CLASRP: variants seen among roughly 807,000 people sequenced by gnomAD.
CLASRP encodes the protein CLK4-associating serine/arginine rich protein.
In CLASRP, 52 loss-of-function variants were observed where a neutral mutation model predicts 99.9. That is an observed-to-expected ratio of 0.52 (90% CI 0.42 to 0.66). The LOEUF (loss-of-function observed/expected upper bound fraction) is 0.66. Among genes scored for constraint, CLASRP ranks in the 30% least tolerant of loss-of-function variants. The pLI is 0.00. For missense variants in CLASRP, 848 were observed against 999.2 expected (o/e 0.85, Z 2.04); for synonymous variants, 379 against 373.0 (o/e 1.02, Z -0.18).
chr19:45,068,489 T>C lies in CLASRP; in HGVS notation c.1768+9T>C. On this transcript the variant is annotated intron_variant, in intron 16 of 20. Transcript: ENST00000221455. Reference sequence around the variant, plus strand: ...GGCGCTGAACAGGCAGTGTATGTTCTGCCCTGTCCCTCCAGGGTTTCACAG... The same window carrying C: ...GGCGCTGAACAGGCAGTGTATGTTCCGCCCTGTCCCTCCAGGGTTTCACAG... 6.2e-7 allele frequency: 1 copy of C among 1,601,618 alleles called. No homozygotes were observed. The highest frequency in any genetic ancestry group is 8.6e-7 in the Non-Finnish European group (1 of 1,168,602).
At position 45,067,127 on chromosome 19, in the gene CLASRP, G is replaced by T. The variant is rs116703137; in HGVS notation, c.1410-210G>T. Reference sequence around the variant, plus strand: ...CTCATGATGGCAGGACTGCCCTTAGGCTGAGTGTATCTAGAGCGCCATCTC... The same window carrying T: ...CTCATGATGGCAGGACTGCCCTTAGTCTGAGTGTATCTAGAGCGCCATCTC... On this transcript the variant is annotated intron_variant, in intron 13 of 20. Transcript: ENST00000221455. This position sits in a 1 kb window ranked among gnomAD's most constrained non-coding sequence, Gnocchi z 4.9. Among the ~76,000 whole-genome samples, 1,153 of 152,338 alleles carry T rather than the reference G, an allele frequency of 7.6e-3. 14 individuals carry two copies. The highest frequency in any genetic ancestry group is 0.026 in the African/African-American group (1,092 of 41,578).
chr19:45,051,607 A>G (rs1972024246), intron 2 of CLASRP, among the ~76,000 whole-genome samples: 1 of 152,094 alleles, frequency 6.6e-6, no homozygotes, highest in Admixed American at 6.6e-5. Context: ...TGCCTAGCCA[A>G]TTCCCTTATT....
At chr19:45,048,976 ACT>A (rs537359357) in intron 2 of CLASRP, among the ~76,000 whole-genome samples, 124 of 152,192 alleles carry the variant, frequency 8.1e-4, no homozygotes, top group African/African-American at 2.9e-3. Context: ...ACAGAGCGAG[ACT>A]CTGTTTCAAA....
chr19:45,042,443 C>T (rs963185505), intron 2 of CLASRP, among the ~76,000 whole-genome samples: 2 of 151,324 alleles, frequency 1.3e-5, no homozygotes, highest in Non-Finnish European at 2.9e-5. Context: ...TGCTTGAACC[C>T]GGGAGGCATA....
In CLASRP at chr19:45,059,309, G is replaced by A. The variant is rs1316452368; in HGVS notation, c.655G>A (p.Ala219Thr). The A allele has an allele frequency of 1.9e-6, 3 of 1,609,384 alleles. No individual in the cohort carries two copies. In the Middle Eastern group the frequency reaches 5.0e-4, roughly 266 times the overall value. Residue 219 changes from alanine (A) to threonine (T), a missense_variant, in exon 8 of 21, where the codon GCA becomes ACA. Ala to Thr is a moderately conservative substitution (Grantham distance 58, BLOSUM62 0). Around this residue, in one of 8 missense-constraint regions of CLASRP, gnomAD observed 119 missense variants for 170.2 expected, o/e 0.70. Coordinates refer to ENST00000221455, the MANE Select transcript of CLASRP (RefSeq NM_007056.3). ...GGATGAATTGAACCAGGAGCAGGTGGCAGATCTCAACAAACAGGCCACGAC... is the reference window on the plus strand; with the variant it reads ...GGATGAATTGAACCAGGAGCAGGTGACAGATCTCAACAAACAGGCCACGAC... ...DVDELNQEQV[A>T]DLNKQATTYG...
Position 45,053,612 on chromosome 19 carries a change from G to A in CLASRP, c.379+435G>A, listed in dbSNP as rs1436097833. On this transcript the variant is annotated intron_variant, in intron 5 of 20. Coordinates refer to ENST00000221455, the MANE Select transcript of CLASRP (RefSeq NM_007056.3). ...TCCTGCCTCAGCCTCCTGAGTAGCT[G>A]GGATTACAGGTGCCCGCCACCACCC... Among the ~76,000 whole-genome samples, 3 of 151,970 alleles carry A rather than the reference G, an allele frequency of 2.0e-5. No individual in the cohort carries two copies. In the East Asian group the frequency reaches 5.8e-4, roughly 29 times the overall value.
At chr19:45,062,085 C>A in intron 10 of CLASRP, 69 bp from the exon 11 acceptor site, 1 of 955,148 alleles carries the variant, frequency 1.0e-6, no homozygotes, top group Non-Finnish European at 1.7e-6. Context: ...GGTTGGCGGG[C>A]TTATCCCAAA....
intron 16 of CLASRP, 94 bp from the exon 17 acceptor site, chr19:45,068,972 A>G (rs1967165529): frequency 8.5e-7 from 1 of 1,178,812 alleles, no homozygotes; most frequent in African/African-American, 1.6e-5. Flanking sequence ...CCTGGGCGAC[A>G]GAGCGAGACT....
Position 45,064,124 on chromosome 19 carries a change from G to A in CLASRP, c.1018G>A (p.Ala340Thr). ...TSFGGSDEEA[A>T]AAAAAAAASG... is the part of the protein sequence containing the mutation. ...TTTTGGGGGCAGCGATGAGGAGGCAGCCGCAGCCGCTGCTGCCGCAGCAGC... is the reference window on the plus strand; with the variant it reads ...TTTTGGGGGCAGCGATGAGGAGGCAACCGCAGCCGCTGCTGCCGCAGCAGC... Residue 340 changes from alanine to threonine, a missense_variant, in exon 12 of 21, where the codon GCC (alanine) becomes ACC (threonine). Ala to Thr is a moderately conservative substitution (Grantham distance 58). Around this residue, in one of 8 missense-constraint regions of CLASRP, gnomAD observed 489 missense variants for 434.7 expected, o/e 1.12. Transcript: ENST00000221455. 1 of 1,610,186 alleles carries A rather than the reference G, an allele frequency of 6.2e-7. No individual in the cohort carries two copies. The highest frequency in any genetic ancestry group is 2.2e-5 in the East Asian group (1 of 44,736).
At chr19:45,055,238 T>C (rs971266970) in intron 5 of CLASRP, among the ~76,000 whole-genome samples, 5 of 152,102 alleles carry the variant, frequency 3.3e-5, no homozygotes, top group African/African-American at 1.2e-4. Context: ...CTGAGAAAAA[T>C]AGGACAGAAG....
At chr19:45,051,963 A>G in intron 2 of CLASRP, 108 bp from the exon 3 acceptor site, 2 of 794,132 alleles carry the variant, frequency 2.5e-6, no homozygotes, top group African/African-American at 1.7e-5. Flanking sequence ...GTGAGGCTCC[A>G]TCTCAAAAAA....
At chr19:45,043,353 A>C (rs1568410437) in intron 2 of CLASRP, among the ~76,000 whole-genome samples, 1 of 137,564 alleles carries the variant, frequency 7.3e-6, no homozygotes, top group African/African-American at 2.8e-5. Flanking sequence ...CAGAGCTTGC[A>C]GTGAGCCGAG....
At chr19:45,065,530 C>T (rs1282538239) in intron 13 of CLASRP, among the ~76,000 whole-genome samples, 1 of 150,662 alleles carries the variant, frequency 6.6e-6, no homozygotes. Context: ...CACTGCACCC[C>T]AGCTTGGGCT....
At chr19:45,065,468 C>T (rs1967064815) in intron 13 of CLASRP, among the ~76,000 whole-genome samples, 1 of 150,154 alleles carries the variant, frequency 6.7e-6, no homozygotes, top group Non-Finnish European at 1.5e-5. Flanking sequence ...GGCTGAGGCA[C>T]GAGAATCGTT....
intron 5 of CLASRP, among the ~76,000 whole-genome samples, chr19:45,056,191 C>T (rs879559779): frequency 6.6e-6 from 1 of 152,220 alleles, no homozygotes; most frequent in Non-Finnish European, 1.5e-5. Flanking sequence ...GGCACTCACT[C>T]TGCCCGTGGT....
intron 2 of CLASRP, among the ~76,000 whole-genome samples, chr19:45,044,043 G>A (rs1465459783): frequency 1.3e-5 from 2 of 152,096 alleles, no homozygotes; most frequent in Non-Finnish European, 2.9e-5. Flanking sequence ...CACCACGCCC[G>A]GCTAATTTTT....
At position 45,052,068 on chromosome 19, in the gene CLASRP, CAGA is replaced by C; in HGVS notation, c.103_105del (p.Lys35del). On this transcript the variant is annotated splice_acceptor_variant and coding_sequence_variant, in exon 3 of 21. Coordinates refer to ENST00000221455, the MANE Select transcript of CLASRP (RefSeq NM_007056.3). LOFTEE classifies it high-confidence loss of function. ...GTGACCTCAGTCCTGTTTACCCCTG[CAGA>C]AGAAGGACCCAGCCCAGTTCCTGCA... is the stretch of plus-strand genomic sequence containing the variant. 6.2e-7 allele frequency: 1 copy of C among 1,613,536 alleles called. No individual in the cohort carries two copies. Among genetic ancestry groups the C allele is most frequent in the Non-Finnish European group, 8.5e-7 (1 of 1,179,772 alleles).
chr19:45,040,453 G>A (rs962265608), intron 2 of CLASRP, 142 bp downstream of exon 2: 1 of 596,320 alleles, frequency 1.7e-6, no homozygotes, highest in African/African-American at 1.9e-5. Context: ...CTTTTCTTGA[G>A]GATAATCATT....
At chr19:45,055,748 G>A (rs1972108383) in intron 5 of CLASRP, among the ~76,000 whole-genome samples, 1 of 152,138 alleles carries the variant, frequency 6.6e-6, no homozygotes, top group South Asian at 2.1e-4. Flanking sequence ...CAGGAGAATC[G>A]CTTGAACCTG....
Sources: allele counts gnomAD v4.1 joint callset (sites outside exome capture counted in the v4.1 genomes callset), GRCh38; gene constraint gnomAD v4.1.1; regional missense constraint gnomAD v4.1.1; non-coding constraint Gnocchi (gnomAD v3.1); transcripts MANE v1.5; gene names NCBI Gene and HGNC (gene_info 2026-07-23, HGNC 2026-07-21).